ERBB4: variants seen among roughly 807,000 people sequenced by gnomAD.
ERBB4 encodes the protein erb-b2 receptor tyrosine kinase 4, also known as receptor tyrosine-protein kinase erbB-4.
In ERBB4, 42 loss-of-function variants were observed where a neutral mutation model predicts 158.0. That is an observed-to-expected ratio of 0.27 (90% CI 0.21 to 0.34). The LOEUF (loss-of-function observed/expected upper bound fraction) is 0.34, where lower values mean the gene tolerates loss of function less well. Among genes scored for constraint, ERBB4 ranks in the 10% least tolerant of loss-of-function variants. The pLI is 1.00. For synonymous variants in ERBB4, 583 were observed against 558.7 expected (o/e 1.04, Z -0.61); for missense variants, 1,333 against 1,624.1 (o/e 0.82, Z 3.08).
rs2068056303 is a variant in ERBB4, at chr2:211,580,813, ATATATATAT to A, written c.2302-18734_2302-18726del. Reference sequence around the variant, plus strand: ...ATATATATATATATATATATATATAATATATATATATTATATATATAGATTATATATTAT... The same window carrying A: ...ATATATATATATATATATATATATAAATTATATATATAGATTATATATTAT... On this transcript the variant is annotated intron_variant, in intron 19 of 27. Coordinates refer to ENST00000342788, the MANE Select transcript of ERBB4 (RefSeq NM_005235.3). Among the ~76,000 whole-genome samples, 2 of 36,530 alleles carry A rather than the reference ATATATATAT, an allele frequency of 5.5e-5. 1 individual carries two copies. Among genetic ancestry groups the A allele is most frequent in the African/African-American group, 8.2e-4 (2 of 2,438 alleles). 24.0% of individuals were successfully genotyped at this position (36,530 alleles called of 152,430 possible). A position where few individuals can be genotyped will look rare whatever the true frequency, so the allele number is the denominator to read the frequency against.
intron 1 of ERBB4, among the ~76,000 whole-genome samples, chr2:212,232,700 A>G (rs2083712205): frequency 6.6e-6 from 1 of 151,896 alleles, no homozygotes; most frequent in African/African-American, 2.4e-5. Context: ...GAGCCACCAC[A>G]CCCGGCCGGG....
intron 19 of ERBB4, among the ~76,000 whole-genome samples, chr2:211,586,205 A>G (rs2068272162): frequency 6.6e-6 from 1 of 152,176 alleles, no homozygotes; most frequent in Non-Finnish European, 1.5e-5. Context: ...AAACATAGTT[A>G]TGCACATTAC....
chr2:211,473,936 T>C (rs1295368330), intron 20 of ERBB4, among the ~76,000 whole-genome samples: 1 of 152,086 alleles, frequency 6.6e-6, no homozygotes, highest in Non-Finnish European at 1.5e-5. Context: ...ATTCAACTAC[T>C]GGGAAGGATC....
chr2:212,412,642 C>G (rs74868653), intron 1 of ERBB4, among the ~76,000 whole-genome samples: 3,178 of 152,258 alleles, frequency 0.021, 93 homozygotes, highest in African/African-American at 0.072. Context: ...CAAGAACAGC[C>G]TAACACCAAC....
intron 1 of ERBB4, among the ~76,000 whole-genome samples, chr2:212,403,754 C>T (rs956925615): frequency 6.6e-6 from 1 of 151,822 alleles, no homozygotes; most frequent in African/African-American, 2.4e-5. Flanking sequence ...AGTTGCTAAT[C>T]GACAGGTACA....
chr2:211,769,825 C>T (rs1156750112), intron 4 of ERBB4, among the ~76,000 whole-genome samples: 2 of 152,176 alleles, frequency 1.3e-5, no homozygotes, highest in Non-Finnish European at 2.9e-5. Context: ...TCCATCTGCT[C>T]CTGTCTGTTT....
rs376518584 is a variant in ERBB4, at chr2:211,688,356, G to C, written c.1490-9172C>G. On this transcript the variant is annotated intron_variant, in intron 12 of 27. Transcript: ENST00000342788. ...TTATTCTGCCTGGACTCCTAGCTCT[G>C]TCTTCTCAACCTGGAGTTCTTGGGA... is the stretch of plus-strand genomic sequence containing the variant. Among the ~76,000 whole-genome samples the C allele has an allele frequency of 3.9e-4, 60 of 152,180 alleles. 1 individual carries two copies. The South Asian group carries it at 0.012, about 31-fold the overall frequency.
intron 16 of ERBB4, among the ~76,000 whole-genome samples, chr2:211,638,882 GTTTGT>G (rs1005844627): frequency 1.4e-4 from 22 of 151,978 alleles, no homozygotes; most frequent in African/African-American, 4.8e-4. Flanking sequence ...ATGGGCTTTT[GTTTGT>G]TTTATCAAAT....
intron 1 of ERBB4, among the ~76,000 whole-genome samples, chr2:212,313,186 ATT>A (rs2087123816): frequency 6.6e-6 from 1 of 150,870 alleles, no homozygotes; most frequent in South Asian, 2.1e-4. Flanking sequence ...TCTATAACAT[ATT>A]TTTGTTATGC....
chr2:212,344,506 G>C (rs910055160), intron 1 of ERBB4, among the ~76,000 whole-genome samples: 3 of 151,966 alleles, frequency 2.0e-5, no homozygotes, highest in African/African-American at 7.3e-5. Context: ...GTATATGTGT[G>C]TGCATATATA....
intron 1 of ERBB4, among the ~76,000 whole-genome samples, chr2:212,460,935 C>T (rs1688539312): frequency 6.6e-6 from 1 of 152,204 alleles, no homozygotes; most frequent in South Asian, 2.1e-4. Flanking sequence ...GGGCAGGAAC[C>T]AGGGTCCCCA....
intron 1 of ERBB4, among the ~76,000 whole-genome samples, chr2:212,458,139 C>A (rs1381874869): frequency 3.3e-5 from 5 of 151,510 alleles, no homozygotes; most frequent in Non-Finnish European, 7.4e-5. Context: ...ATATACTTTG[C>A]CATTTGCTGA....
chr2:211,936,783 G>C (rs1680900761), intron 3 of ERBB4, among the ~76,000 whole-genome samples: 1 of 151,936 alleles, frequency 6.6e-6, no homozygotes, highest in Admixed American at 6.6e-5. Flanking sequence ...AAATCAACTA[G>C]ATCTCAAAAG....
At chr2:212,025,523 A>G (rs1232593986) in intron 2 of ERBB4, among the ~76,000 whole-genome samples, 1 of 151,824 alleles carries the variant, frequency 6.6e-6, no homozygotes, top group South Asian at 2.1e-4. Flanking sequence ...TTCCTTGCCC[A>G]TTACACCACT....
intron 1 of ERBB4, among the ~76,000 whole-genome samples, chr2:212,352,737 G>A (rs188877295): frequency 2.0e-5 from 3 of 151,862 alleles, no homozygotes. Context: ...GTGTGGTTGT[G>A]GGCACCTGTA....
chr2:211,459,993 G>A (rs972905420), intron 20 of ERBB4, among the ~76,000 whole-genome samples: 27 of 152,036 alleles, frequency 1.8e-4, no homozygotes, highest in African/African-American at 6.3e-4. Flanking sequence ...GGGCCATAGT[G>A]AGAGGCTAAA....
chr2:211,902,567 T>G (rs1009174725), intron 3 of ERBB4, among the ~76,000 whole-genome samples: 4 of 151,898 alleles, frequency 2.6e-5, no homozygotes, highest in African/African-American at 9.7e-5. Flanking sequence ...TGAAAAGAAA[T>G]AAATTTTCTA....
intron 2 of ERBB4, among the ~76,000 whole-genome samples, chr2:211,978,366 CTG>C (rs2081681415): frequency 9.2e-6 from 1 of 108,264 alleles, no homozygotes; most frequent in African/African-American, 3.8e-5. Flanking sequence ...GAGTCTGAGT[CTG>C]TCTGTCTGTC....
intron 25 of ERBB4, among the ~76,000 whole-genome samples, chr2:211,394,689 C>T (rs34723916): frequency 0.016 from 2,489 of 152,158 alleles, 25 homozygotes; most frequent in Non-Finnish European, 0.025. Context: ...AGTAGCCTAA[C>T]TGATTCTTCA....
Sources: gnomAD v4.1 joint callset for allele counts (sites outside exome capture counted in the v4.1 genomes callset) on GRCh38, gnomAD v4.1.1 for gene constraint, MANE v1.5 for transcripts, NCBI Gene and HGNC (gene_info 2026-07-23, HGNC 2026-07-21) for gene names.